Variants in KRAS observed in about 807,000 individuals in gnomAD.
The protein encoded by KRAS is GTPase KRas.
KRAS carries 1 observed loss-of-function variant against 21.0 expected under a neutral mutation model. That is an observed-to-expected ratio of 0.05 (90% CI 0.02 to 0.23). KRAS has a LOEUF of 0.23. KRAS is among the 10% of genes least tolerant of loss of function. The pLI, the probability that KRAS is intolerant of heterozygous loss-of-function variation, is 1.00. For missense variants in KRAS, 107 were observed against 221.8 expected, an observed-to-expected ratio of 0.48 and a Z score of 3.29; for synonymous variants, 67 against 72.5, an observed-to-expected ratio of 0.92 and a Z score of 0.39.
At chr12:25,225,350 A>T in intron 4 of KRAS, 1 of 218,792 alleles carries the variant, frequency 4.6e-6, no homozygotes, top group Non-Finnish European at 9.2e-6. Flanking sequence ...CCATGGGAAA[A>T]AAAAATCCCC....
intron 2 of KRAS, among the ~76,000 whole-genome samples, chr12:25,232,643 A>G (rs1199371230): frequency 6.6e-6 from 1 of 152,228 alleles, no homozygotes; most frequent in Non-Finnish European, 1.5e-5. Flanking sequence ...CAAGGTTACT[A>G]ATTTGTAGCC....
chr12:25,208,244 A>C lies in KRAS; in HGVS notation c.*1551T>G, dbSNP rs1047408844. The C allele has an allele frequency of 4.7e-5, 11 of 233,214 alleles. No homozygotes were observed. The highest frequency in any genetic ancestry group is 9.3e-5 in the Non-Finnish European group (11 of 117,916). The allele number at this position is 233,214 out of a possible 1,614,324, so 14.4% of individuals were successfully genotyped here. Reference sequence around the variant, plus strand: ...GATAGTAAGTGATGTCCTCAAAATCAGAGTCCTAAAAGACACCTATCTAGA... The same window carrying C: ...GATAGTAAGTGATGTCCTCAAAATCCGAGTCCTAAAAGACACCTATCTAGA... On this transcript the variant is annotated 3_prime_UTR_variant, in exon 5 of 5. Coordinates refer to ENST00000311936, the MANE Select transcript of KRAS (RefSeq NM_004985.5).
chr12:25,234,201 GT>G, intron 2 of KRAS: 1 of 171,462 alleles, frequency 5.8e-6, no homozygotes. Flanking sequence ...AATATGTAAA[GT>G]TTTATGTAAA....
chr12:25,224,074 T>C (rs1412180692), intron 4 of KRAS, among the ~76,000 whole-genome samples: 2 of 151,308 alleles, frequency 1.3e-5, no homozygotes, highest in Non-Finnish European at 2.9e-5. Flanking sequence ...GTACGACACA[T>C]TGCTCACGTG....
chr12:25,242,729 A>G (rs1371250537), intron 2 of KRAS, among the ~76,000 whole-genome samples: 1 of 152,192 alleles, frequency 6.6e-6, no homozygotes, highest in Non-Finnish European at 1.5e-5. Flanking sequence ...ATTAGTCTCC[A>G]TTAGTAAATA....
At chr12:25,232,014 C>G (rs11047910) in intron 2 of KRAS, among the ~76,000 whole-genome samples, 2,430 of 152,262 alleles carry the variant, frequency 0.016, 35 homozygotes, top group Non-Finnish European at 0.025. Context: ...CCCCCAGCCT[C>G]TAGTCCTACA....
In KRAS at chr12:25,225,702, G is replaced by C. The variant is rs2141506147; in HGVS notation, c.362C>G (p.Pro121Arg). ...CTGTTTTGTGTCTACTGTTCTAGAA[G>C]GCAAATCACATTTATTTCCTACTAG... ...MVLVGNKCDL[P>R]SRTVDTKQAQ... The change falls in exon 4 of 5, where the codon CCT (proline) becomes CGT (arginine). Residue 121 changes from proline to arginine, a missense_variant. Coordinates refer to ENST00000311936, the MANE Select transcript of KRAS (RefSeq NM_004985.5). 6.2e-7 allele frequency: 1 copy of C among 1,613,018 alleles called. No homozygotes were observed. The highest frequency in any genetic ancestry group is 8.5e-7 in the Non-Finnish European group (1 of 1,179,412).
intron 2 of KRAS, among the ~76,000 whole-genome samples, chr12:25,237,520 G>A (rs1365682222): frequency 6.6e-6 from 1 of 152,174 alleles, no homozygotes; most frequent in Admixed American, 6.5e-5. Context: ...GATATGACCT[G>A]CAGGCATCTT....
intron 4 of KRAS, among the ~76,000 whole-genome samples, chr12:25,221,024 C>CA (rs67015511): frequency 0.078 from 6,558 of 84,502 alleles, 296 homozygotes; most frequent in Non-Finnish European, 0.083. Flanking sequence ...GACTCTGCCT[C>CA]AAAAAAAAAA....
Position 25,209,486 on chromosome 12 carries a change from C to T in KRAS, c.*309G>A. The T allele has an allele frequency of 1.6e-6, 2 of 1,281,212 alleles. No homozygotes were observed. The highest frequency in any genetic ancestry group is 2.0e-6 in the Non-Finnish European group (2 of 1,008,828). 79.4% of individuals were successfully genotyped at this position (1,281,212 alleles called of 1,614,324 possible). On this transcript the variant is annotated 3_prime_UTR_variant, in exon 5 of 5. Transcript: ENST00000311936. ...TTAATTTGTTTCACACCAACATTCA[C>T]AATTGGTAAGAAAAATAAGAAGTAA...
At chr12:25,236,572 T>C (rs975187635) in intron 2 of KRAS, among the ~76,000 whole-genome samples, 23 of 151,918 alleles carry the variant, frequency 1.5e-4, no homozygotes, top group Non-Finnish European at 2.9e-5. Context: ...AAATATCTAG[T>C]ATGGTTTCTG....
chr12:25,220,446 C>T (rs1723447266), intron 4 of KRAS, among the ~76,000 whole-genome samples: 1 of 152,102 alleles, frequency 6.6e-6, no homozygotes, highest in South Asian at 2.1e-4. Context: ...TTAAAAAGTA[C>T]AGCTGGGCAC....
At position 25,209,463 on chromosome 12, in the gene KRAS, A is replaced by G. The variant is rs1484106816; in HGVS notation, c.*332T>C. The G allele has an allele frequency of 8.3e-7, 1 of 1,200,278 alleles. No individual in the cohort carries two copies. The highest frequency in any genetic ancestry group is 1.6e-5 in the African/African-American group (1 of 63,372). 74.4% of individuals were successfully genotyped at this position (1,200,278 alleles called of 1,614,324 possible). On this transcript the variant is annotated 3_prime_UTR_variant, in exon 5 of 5. Coordinates refer to ENST00000311936, the MANE Select transcript of KRAS (RefSeq NM_004985.5). ...ATAGGGATGATTCAAAAGCTTCATT[A>G]ATTTGTTTCACACCAACATTCACAA...
At chr12:25,215,397 C>A (rs767878251) in intron 4 of KRAS, 5 of 1,611,440 alleles carry the variant, frequency 3.1e-6, no homozygotes, top group African/African-American at 1.3e-5. Flanking sequence ...TAAAAGACAT[C>A]TGCTTTCTGC....
intron 1 of KRAS, among the ~76,000 whole-genome samples, chr12:25,249,960 A>T (rs902360594): frequency 6.6e-6 from 1 of 152,114 alleles, no homozygotes; most frequent in Non-Finnish European, 1.5e-5. Flanking sequence ...TTTCCTTTTC[A>T]CTGTAGGTCA....
chr12:25,215,624 G>T, intron 4 of KRAS: 1 of 1,360,642 alleles, frequency 7.3e-7, no homozygotes, highest in Non-Finnish European at 1.0e-6. Flanking sequence ...TACTGGGAAA[G>T]CCATGTGCAA....
intron 2 of KRAS, among the ~76,000 whole-genome samples, chr12:25,241,668 G>A (rs61761083): frequency 0.015 from 2,310 of 152,258 alleles, 61 homozygotes; most frequent in African/African-American, 0.053. Context: ...ACCCTGTTGT[G>A]GGGGCTTTCC....
chr12:25,213,358 A>G (rs1374180813), intron 4 of KRAS, among the ~76,000 whole-genome samples: 2 of 152,230 alleles, frequency 1.3e-5, no homozygotes, highest in Non-Finnish European at 2.9e-5. Flanking sequence ...GGAGGAGAAA[A>G]TAAAAAATTA....
At chr12:25,226,641 T>G (rs1951396181) in intron 3 of KRAS, among the ~76,000 whole-genome samples, 2 of 152,226 alleles carry the variant, frequency 1.3e-5, no homozygotes, top group African/African-American at 4.8e-5. Context: ...ACTGAGTGAT[T>G]CATTTGCTTA....
Sources: gnomAD v4.1 joint callset for allele counts (sites outside exome capture counted in the v4.1 genomes callset) on GRCh38, gnomAD v4.1.1 for gene constraint, MANE v1.5 for transcripts, NCBI Gene and HGNC (gene_info 2026-07-23, HGNC 2026-07-21) for gene names.